Variants in CCZ1 observed in about 807,000 individuals in gnomAD.
CCZ1 encodes vacuolar fusion protein CCZ1 homolog.
A neutral mutation model predicts 57.8 loss-of-function variants in CCZ1; 19 were observed. The ratio of observed to expected loss-of-function variants is 0.33; its 90% CI spans 0.23 to 0.48. The LOEUF (loss-of-function observed/expected upper bound fraction) is 0.48. CCZ1 is among the 20% of genes least tolerant of loss of function. The pLI, the probability that CCZ1 is intolerant of heterozygous loss-of-function variation, is 0.99. For synonymous variants in CCZ1, 81 were observed against 167.0 expected, an observed-to-expected ratio of 0.49 and a Z score of 3.97; for missense variants, 200 against 492.0, an observed-to-expected ratio of 0.41 and a Z score of 5.61.
At chr7:5,913,924 C>CT (rs1250463156) in intron 10 of CCZ1, among the ~76,000 whole-genome samples, 2 of 136,890 alleles carry the variant, frequency 1.5e-5, no homozygotes, top group African/African-American at 5.3e-5. Flanking sequence ...ATGTCTGCCC[C>CT]TGAGAATGAG....
chr7:5,899,638 G>A (rs1378684159), intron 1 of CCZ1, among the ~76,000 whole-genome samples: 8 of 140,750 alleles, frequency 5.7e-5, no homozygotes, highest in African/African-American at 2.1e-4. Context: ...GTGGTGGCAC[G>A]CACCTGTATT....
intron 7 of CCZ1, among the ~76,000 whole-genome samples, chr7:5,907,040 T>A (rs1583184304): frequency 6.7e-6 from 1 of 148,286 alleles, no homozygotes. Flanking sequence ...GCTAATTTTT[T>A]TGTAGAGATG....
intron 12 of CCZ1, among the ~76,000 whole-genome samples, chr7:5,920,938 C>T (rs1435896017): frequency 9.1e-6 from 1 of 109,994 alleles, no homozygotes; most frequent in Non-Finnish European, 1.9e-5. Context: ...AATGTTCATA[C>T]GTTGTTTTTT....
rs992311700 is a variant in CCZ1, at chr7:5,907,705, G to A, written c.699-2330G>A. On this transcript the variant is annotated intron_variant, in intron 7 of 14. Transcript: ENST00000325974. Reference sequence around the variant, plus strand: ...ATCTTGGAATAGCATCTGAGGGGTTGAGCAGGGCACAGCTCTGGTGGCTGC... The same window carrying A: ...ATCTTGGAATAGCATCTGAGGGGTTAAGCAGGGCACAGCTCTGGTGGCTGC... 2.8e-5 allele frequency among the ~76,000 whole-genome samples: 4 copies of A among 144,204 alleles called. 1 individual carries two copies. The highest frequency in any genetic ancestry group is 7.8e-5 in the African/African-American group (3 of 38,448). 94.6% of individuals were successfully genotyped at this position (144,204 alleles called of 152,430 possible).
chr7:5,905,120 A>T lies in CCZ1; in HGVS notation c.549A>T (p.Ser183=), dbSNP rs552576239. ...HRYLQTLHLQ[S]CDLLDIFGGI... is the part of the protein sequence containing the mutation. ...ATTTGCAAACGCTACATTTGCAGTCATGTGACCTACTTGACATTTTTGGTG... is the reference window on the plus strand; with the variant it reads ...ATTTGCAAACGCTACATTTGCAGTCTTGTGACCTACTTGACATTTTTGGTG... The change falls in exon 7 of 15, where the codon TCA becomes TCT. Residue 183 remains serine (S), a synonymous_variant. Coordinates refer to ENST00000325974, the MANE Select transcript of CCZ1 (RefSeq NM_015622.6). 2 of 1,597,434 alleles carry T rather than the reference A, an allele frequency of 1.3e-6. No homozygotes were observed. The highest frequency in any genetic ancestry group is 1.7e-5 in the Admixed American group (1 of 59,162).
intron 8 of CCZ1, among the ~76,000 whole-genome samples, chr7:5,910,847 G>T (rs372997837): frequency 6.8e-6 from 1 of 146,752 alleles, no homozygotes. Flanking sequence ...ACAATTCTCC[G>T]GCCTCAGGCT....
rs2067437424 is a variant in CCZ1, at chr7:5,903,787, T to C, written c.522+1043T>C. Among the ~76,000 whole-genome samples the C allele has an allele frequency of 1.4e-5, 2 of 147,142 alleles. 1 individual carries two copies. The highest frequency in any genetic ancestry group is 4.5e-4 in the South Asian group (2 of 4,474). ...TGCGGGCAGATCTTGAGGTCATGAGTTCGAGACCAGCCTGGCCAACATGGT... is the reference window on the plus strand; with the variant it reads ...TGCGGGCAGATCTTGAGGTCATGAGCTCGAGACCAGCCTGGCCAACATGGT... On this transcript the variant is annotated intron_variant, in intron 6 of 14. Coordinates refer to ENST00000325974, the MANE Select transcript of CCZ1 (RefSeq NM_015622.6).
At chr7:5,904,498 C>G (rs1382869470) in intron 6 of CCZ1, among the ~76,000 whole-genome samples, 1 of 144,466 alleles carries the variant, frequency 6.9e-6, no homozygotes, top group African/African-American at 2.6e-5. Flanking sequence ...CAAGACCAGC[C>G]TAGGCAACAT....
intron 6 of CCZ1, among the ~76,000 whole-genome samples, chr7:5,903,105 T>C (rs1019440436): frequency 9.4e-5 from 14 of 149,002 alleles, no homozygotes; most frequent in African/African-American, 3.2e-4. Context: ...TTATTGGAGT[T>C]GCACAATCTC....
At chr7:5,903,520 T>C (rs1781731242) in intron 6 of CCZ1, among the ~76,000 whole-genome samples, 1 of 88,936 alleles carries the variant, frequency 1.1e-5, no homozygotes, top group Admixed American at 1.3e-4. Flanking sequence ...CATAGCTATT[T>C]TTGAATTTTT....
In CCZ1 at chr7:5,926,322, T is replaced by TA. The variant is rs533839814; in HGVS notation, c.*636dup. On this transcript the variant is annotated 3_prime_UTR_variant, in exon 15 of 15. Coordinates refer to ENST00000325974, the MANE Select transcript of CCZ1 (RefSeq NM_015622.6). ...AAGAACTGTAATGCTCAGGAAATCT[T>TA]ACAGCACGTGCCATCCTAAGCCTGT... is the stretch of plus-strand genomic sequence containing the variant. 3,269 of 1,050,918 alleles carry TA rather than the reference T, an allele frequency of 3.1e-3. 2 individuals carry two copies. In the African/African-American group the frequency reaches 0.049, roughly 16 times the overall value. 65.1% of individuals were successfully genotyped at this position (1,050,918 alleles called of 1,614,324 possible). A position where few individuals can be genotyped will look rare whatever the true frequency, so the allele number is the denominator to read the frequency against.
chr7:5,922,421 CCCT>C, intron 12 of CCZ1, among the ~76,000 whole-genome samples: 1 of 124,068 alleles, frequency 8.1e-6, no homozygotes, highest in Admixed American at 8.2e-5. Flanking sequence ...GTACCCCCAG[CCCT>C]CCAGAACGTG....
chr7:5,919,997 G>T (rs1231546088), intron 12 of CCZ1, 31 bp downstream of exon 12: 1 of 1,556,992 alleles, frequency 6.4e-7, no homozygotes, highest in African/African-American at 1.4e-5. Flanking sequence ...TCACTTTCAG[G>T]CATTGAACGG....
At chr7:5,913,221 G>A (rs534469909) in intron 10 of CCZ1, among the ~76,000 whole-genome samples, 5 of 146,358 alleles carry the variant, frequency 3.4e-5, no homozygotes, top group African/African-American at 1.3e-4. Flanking sequence ...TCAAACCAAA[G>A]GCTGTCAGAG....
Position 5,899,370 on chromosome 7 carries a change from TGTGTGTGTGTGTGG to T in CCZ1, c.120+452_120+465del, listed in dbSNP as rs1562536491. On this transcript the variant is annotated intron_variant, in intron 1 of 14. Transcript: ENST00000325974. The stretch of plus-strand genomic sequence containing the variant: ...GTGTGTGTGTGTGTGTGTGTGTGTG[TGTGTGTGTGTGTGG>T]TTTTTCTGAGGTGGGGACGGCGACT... Among the ~76,000 whole-genome samples the T allele has an allele frequency of 1.8e-3, 245 of 137,630 alleles. 3 individuals are homozygous for T. Among genetic ancestry groups the T allele is most frequent in the Admixed American group, 6.3e-3 (87 of 13,796 alleles). 90.3% of individuals were successfully genotyped at this position (137,630 alleles called of 152,430 possible). A position where few individuals can be genotyped will look rare whatever the true frequency, so the allele number is the denominator to read the frequency against.
chr7:5,899,379 G>T (rs1562536515), intron 1 of CCZ1, among the ~76,000 whole-genome samples: 6 of 91,114 alleles, frequency 6.6e-5, no homozygotes, highest in African/African-American at 2.3e-4. Flanking sequence ...GTGTGTGTGT[G>T]TGTGGTTTTT....
Position 5,911,420 on chromosome 7 carries a change from A to G in CCZ1, c.781-441A>G, listed in dbSNP as rs1482356674. ...TGGGCTCAAGCGGTCGTGTCACCTC[A>G]GCCTCCCAAGTAGCTGAGACTACAG... is the stretch of plus-strand genomic sequence containing the variant. On this transcript the variant is annotated intron_variant, in intron 8 of 14. Transcript: ENST00000325974. Among the ~76,000 whole-genome samples the G allele has an allele frequency of 2.0e-5, 3 of 148,454 alleles. 1 individual carries two copies. The highest frequency in any genetic ancestry group is 7.5e-5 in the African/African-American group (3 of 39,976).
intron 7 of CCZ1, among the ~76,000 whole-genome samples, chr7:5,907,940 GAA>G (rs11325816): frequency 0.032 from 4,455 of 137,078 alleles, 193 homozygotes; most frequent in Non-Finnish European, 0.047. Flanking sequence ...ACAAAAAATG[GAA>G]AAAAAAAAAA....
intron 8 of CCZ1, among the ~76,000 whole-genome samples, chr7:5,910,518 A>T (rs368064380): frequency 6.9e-6 from 1 of 145,936 alleles, no homozygotes; most frequent in Middle Eastern, 3.2e-3. Flanking sequence ...TAGTAGAGAC[A>T]GGTTTCACTA....
Sources: allele counts gnomAD v4.1 joint callset (sites outside exome capture counted in the v4.1 genomes callset), GRCh38; gene constraint gnomAD v4.1.1; transcripts MANE v1.5; gene names NCBI Gene and HGNC (gene_info 2026-07-23, HGNC 2026-07-21).